The following TMEM232 variants were observed in gnomAD, a reference collection of about 807,000 sequenced individuals.
TMEM232 encodes the protein transmembrane protein 232.
Under a neutral mutation model 78.8 loss-of-function variants are expected in TMEM232, and 80 were observed. The observed-to-expected ratio is 1.01, with a 90% CI of 0.85 to 1.22. The LOEUF (loss-of-function observed/expected upper bound fraction) is 1.22, where lower values mean the gene tolerates loss of function less well. TMEM232 is among the 50% of genes most tolerant of loss of function. The probability of loss-of-function intolerance (pLI) is 0.00; values close to 1 mark genes in which losing one functional copy is unlikely to be tolerated. For missense variants in TMEM232, 881 were observed against 742.2 expected (o/e 1.19, Z -2.17); for synonymous variants, 297 against 254.3 (o/e 1.17, Z -1.60).
intron 2 of TMEM232, among the ~76,000 whole-genome samples, chr5:110,403,698 A>G (rs1444838567): frequency 6.6e-6 from 1 of 152,032 alleles, no homozygotes; most frequent in Non-Finnish European, 1.5e-5. Flanking sequence ...TTTCATATAT[A>G]TTATGATCTC....
At chr5:110,495,771 T>C (rs1195659490) in intron 12 of TMEM232, among the ~76,000 whole-genome samples, 2 of 151,754 alleles carry the variant, frequency 1.3e-5, no homozygotes, top group Non-Finnish European at 3.0e-5. Context: ...TAATGTCACA[T>C]TTGTAAACTT....
intron 11 of TMEM232, among the ~76,000 whole-genome samples, chr5:110,531,461 T>C (rs150670409): frequency 0.04 from 6,151 of 152,256 alleles, 197 homozygotes; most frequent in African/African-American, 0.086. Context: ...AACATCTCAC[T>C]AATTTCAAAT....
chr5:110,475,473 A>G (rs1242079681), intron 12 of TMEM232, among the ~76,000 whole-genome samples: 1 of 130,288 alleles, frequency 7.7e-6, no homozygotes, highest in Non-Finnish European at 1.6e-5. Context: ...TTTTTTTACA[A>G]AAACCAGTTC....
intron 1 of TMEM232, among the ~76,000 whole-genome samples, chr5:110,701,464 C>T (rs545374744): frequency 9.2e-5 from 14 of 151,894 alleles, no homozygotes; most frequent in Admixed American, 2.6e-4. Context: ...GTAAGAAAAT[C>T]TTATAGGAAA....
At chr5:110,626,438 ACTAATTGATTAGT>A (rs1165874619) in intron 6 of TMEM232, among the ~76,000 whole-genome samples, 1 of 152,050 alleles carries the variant, frequency 6.6e-6, no homozygotes, top group African/African-American at 2.4e-5. Context: ...TGCTAATGGT[ACTAATTGATTAGT>A]CTCCATAACA....
chr5:110,695,914 T>C (rs1263844614), intron 1 of TMEM232, among the ~76,000 whole-genome samples: 2 of 151,958 alleles, frequency 1.3e-5, no homozygotes, highest in Non-Finnish European at 2.9e-5. Flanking sequence ...ACTATTCCAA[T>C]CGATAGAAAA....
At chr5:110,401,330 A>G (rs1755585115) in intron 2 of TMEM232, among the ~76,000 whole-genome samples, 1 of 151,488 alleles carries the variant, frequency 6.6e-6, no homozygotes, top group Non-Finnish European at 1.5e-5. Flanking sequence ...AAGTTGCACA[A>G]ATTTCAAGTG....
chr5:110,567,588 C>A (rs1776483031), intron 11 of TMEM232, among the ~76,000 whole-genome samples: 1 of 151,772 alleles, frequency 6.6e-6, no homozygotes, highest in Non-Finnish European at 1.5e-5. Context: ...ATAATTTAGG[C>A]TAGGAGATAT....
intron 1 of TMEM232, among the ~76,000 whole-genome samples, chr5:110,687,524 A>C (rs1430899660): frequency 6.6e-6 from 1 of 152,154 alleles, no homozygotes; most frequent in African/African-American, 2.4e-5. Context: ...CAGACCCTGT[A>C]ATACAACCTT....
intron 12 of TMEM232, among the ~76,000 whole-genome samples, chr5:110,450,234 A>G (rs1278424656): frequency 3.3e-5 from 5 of 152,184 alleles, no homozygotes; most frequent in Admixed American, 3.3e-4. Context: ...TAAAATACTC[A>G]GTCTCAGGTA....
intron 12 of TMEM232, among the ~76,000 whole-genome samples, chr5:110,469,824 G>GA: frequency 6.6e-6 from 1 of 152,236 alleles, no homozygotes; most frequent in South Asian, 2.1e-4. Context: ...TGTCCCAGGG[G>GA]AAAAAATGTA....
chr5:110,441,115 C>G (rs1580693334), intron 12 of TMEM232, among the ~76,000 whole-genome samples: 2 of 152,130 alleles, frequency 1.3e-5, no homozygotes, highest in Admixed American at 1.3e-4. Context: ...ATGCAAGTCT[C>G]TGGATCCAGG....
chr5:110,568,761 A>G, intron 10 of TMEM232, 136 bp from the exon 11 acceptor site: 1 of 863,156 alleles, frequency 1.2e-6, no homozygotes, highest in East Asian at 3.0e-5. Context: ...AGCTGTGGAA[A>G]TTTCTGACCC....
intron 10 of TMEM232, among the ~76,000 whole-genome samples, chr5:110,578,731 T>C (rs1777841515): frequency 6.6e-6 from 1 of 151,842 alleles, no homozygotes; most frequent in Non-Finnish European, 1.5e-5. Context: ...CAAGATGGCA[T>C]AATAGAAAAC....
intron 11 of TMEM232, among the ~76,000 whole-genome samples, chr5:110,535,409 C>T (rs1019049992): frequency 3.9e-5 from 6 of 152,128 alleles, no homozygotes; most frequent in Non-Finnish European, 5.9e-5. Context: ...ACACCTATCT[C>T]TCTTCGCTGA....
intron 12 of TMEM232, among the ~76,000 whole-genome samples, chr5:110,476,604 G>A (rs1467902949): frequency 6.6e-6 from 1 of 151,972 alleles, no homozygotes; most frequent in Non-Finnish European, 1.5e-5. Context: ...ATAGAAAAAT[G>A]TTATTGTAAT....
intron 12 of TMEM232, among the ~76,000 whole-genome samples, chr5:110,490,845 C>G (rs313622): frequency 0.17 from 25,610 of 152,076 alleles, 5,703 homozygotes; most frequent in African/African-American, 0.52. Context: ...AAAGACCTCA[C>G]TGTAAAACTA....
At chr5:110,565,070 CTAAGT>C (rs1186064470) in intron 11 of TMEM232, among the ~76,000 whole-genome samples, 7 of 151,910 alleles carry the variant, frequency 4.6e-5, no homozygotes, top group African/African-American at 1.4e-4. Context: ...AAATATTTTG[CTAAGT>C]TATTTTCACT....
intron 1 of TMEM232, 48 bp from the exon 2 acceptor site, chr5:110,667,412 A>G: frequency 7.5e-7 from 1 of 1,340,604 alleles, no homozygotes; most frequent in Non-Finnish European, 9.9e-7. Flanking sequence ...CACTCATAGT[A>G]TCAAACAACA....
Sources: allele counts gnomAD v4.1 joint callset (sites outside exome capture counted in the v4.1 genomes callset), GRCh38; gene constraint gnomAD v4.1.1; transcripts MANE v1.5; gene names NCBI Gene and HGNC (gene_info 2026-07-23, HGNC 2026-07-21).